The following PCDHGC3 variants were observed in gnomAD, a reference collection of about 807,000 sequenced individuals.
PCDHGC3 encodes the protein protocadherin gamma subfamily C, 3, also known as protocadherin gamma-C3.
In PCDHGC3, 26 loss-of-function variants were observed where a neutral mutation model predicts 59.2. The observed-to-expected ratio is 0.44, with a 90% CI of 0.32 to 0.61. The LOEUF (loss-of-function observed/expected upper bound fraction) is 0.61. PCDHGC3 is among the 20% of genes least tolerant of loss of function. The pLI, the probability that PCDHGC3 is intolerant of heterozygous loss-of-function variation, is 0.05. For missense variants in PCDHGC3, 1,080 were observed against 1,221.8 expected (o/e 0.88, Z 1.73); for synonymous variants, 487 against 519.7 (o/e 0.94, Z 0.86).
In PCDHGC3 at chr5:141,477,191, A is replaced by G; in HGVS notation, c.1075A>G (p.Ser359Gly). The part of the protein sequence containing the change: ...APEITVTSVY[S>G]PVPEDAPLGT... ...GGAGATCACAGTCACCTCCGTGTACAGCCCAGTACCCGAGGATGCCCCTCT... is the reference window on the plus strand; with the variant it reads ...GGAGATCACAGTCACCTCCGTGTACGGCCCAGTACCCGAGGATGCCCCTCT... Residue 359 changes from serine to glycine, a missense_variant, in exon 1 of 4, where the codon AGC becomes GGC. Transcript: ENST00000308177. This position sits in a 1 kb window ranked among gnomAD's most constrained non-coding sequence, Gnocchi z 4.9. 5.0e-6 allele frequency: 8 copies of G among 1,614,210 alleles called. No homozygotes were observed. The highest frequency in any genetic ancestry group is 6.8e-6 in the Non-Finnish European group (8 of 1,180,044).
At chr5:141,492,952 C>T (rs1428667098) in intron 1 of PCDHGC3, among the ~76,000 whole-genome samples, 1 of 152,242 alleles carries the variant, frequency 6.6e-6, no homozygotes, top group Non-Finnish European at 1.5e-5. Context: ...GGTGACCAAA[C>T]TATCTGACAC....
rs755936344 is a variant in PCDHGC3, at chr5:141,490,704, C to T, written c.2431-4103C>T. ...ATCCAGACACTGGGGATAATGCCCG[C>T]CTCACCTACTCCATTGTAGGAAATC... On this transcript the variant is annotated intron_variant, in intron 1 of 3. Transcript: ENST00000308177. The surrounding 1 kb of genome is among the most constrained non-coding windows in gnomAD (Gnocchi z 5.4). 6.2e-7 allele frequency: 1 copy of T among 1,614,166 alleles called. No homozygotes were observed.
At position 141,486,637 on chromosome 5, in the gene PCDHGC3, G is replaced by C. The variant is rs761072169; in HGVS notation, c.2430+8091G>C. 28 of 1,613,638 alleles carry C rather than the reference G, an allele frequency of 1.7e-5. No homozygotes were observed. The highest frequency in any genetic ancestry group is 1.1e-5 in the Non-Finnish European group (13 of 1,180,034). ...CTGACCCAGACTCTGGCTTGAATGC[G>C]CTTATCTCCTACTCACTCCTGGAGC... On this transcript the variant is annotated intron_variant, in intron 1 of 3. Transcript: ENST00000308177. This position sits in a 1 kb window ranked among gnomAD's most constrained non-coding sequence, Gnocchi z 5.0.
intron 2 of PCDHGC3, among the ~76,000 whole-genome samples, chr5:141,504,354 G>C (rs1349256606): frequency 6.6e-6 from 1 of 152,100 alleles, no homozygotes; most frequent in Non-Finnish European, 1.5e-5. Flanking sequence ...TGTGCTAGGT[G>C]CTTCAGTAGG....
chr5:141,505,255 C>T (rs2099844853), intron 2 of PCDHGC3, 138 bp from the exon 3 acceptor site: 1 of 1,481,112 alleles, frequency 6.8e-7, no homozygotes, highest in Admixed American at 2.1e-5. Context: ...AGAAGTGCCT[C>T]CTACCTTGCT....
At chr5:141,483,425 G>A (rs1460083757) in intron 1 of PCDHGC3, among the ~76,000 whole-genome samples, 1 of 152,116 alleles carries the variant, frequency 6.6e-6, no homozygotes, top group Non-Finnish European at 1.5e-5. Flanking sequence ...ACAGATGGAG[G>A]GAGCTGACTA....
intron 2 of PCDHGC3, among the ~76,000 whole-genome samples, chr5:141,504,341 CTTTGTGCTAGGT>C (rs963088433): frequency 3.9e-5 from 6 of 152,020 alleles, no homozygotes; most frequent in African/African-American, 1.4e-4. Flanking sequence ...AAGTGCTAGG[CTTTGTGCTAGGT>C]GCTTCAGTAG....
At chr5:141,506,130 GAGA>G (rs560751517) in intron 3 of PCDHGC3, among the ~76,000 whole-genome samples, 2 of 152,170 alleles carry the variant, frequency 1.3e-5, no homozygotes, top group Admixed American at 1.3e-4. Context: ...CCCAGAGCAG[GAGA>G]AGAAGAATAT....
Position 141,512,171 on chromosome 5 carries a change from T to C in PCDHGC3, c.*998T>C, listed in dbSNP as rs140884268. ...GGGCTGAGCTAACAGGACCAATGGA[T>C]TAAACTGGCATTTCAGTCCAAGGAA... On this transcript the variant is annotated 3_prime_UTR_variant, in exon 4 of 4. Transcript: ENST00000308177. 584 of 152,796 alleles carry C rather than the reference T, an allele frequency of 3.8e-3. 5 individuals carry two copies. The highest frequency in any genetic ancestry group is 0.011 in the Admixed American group (167 of 15,298). The allele number at this position is 152,796 out of a possible 1,614,324, so 9.5% of individuals were successfully genotyped here. A position where few individuals can be genotyped will look rare whatever the true frequency, so the allele number is the denominator to read the frequency against.
In PCDHGC3 at chr5:141,487,930, G is replaced by T; in HGVS notation, c.2431-6877G>T. On this transcript the variant is annotated intron_variant, in intron 1 of 3. Coordinates refer to ENST00000308177, the MANE Select transcript of PCDHGC3 (RefSeq NM_002588.4). This position sits in a 1 kb window ranked among gnomAD's most constrained non-coding sequence, Gnocchi z 5.0. Reference sequence around the variant, plus strand: ...GAGCACAGGAGGCTACAGTGCACAGGGTACAGTGCACCAGGCAGTCACTTG... The same window carrying T: ...GAGCACAGGAGGCTACAGTGCACAGTGTACAGTGCACCAGGCAGTCACTTG... 2 of 613,220 alleles carry T rather than the reference G, an allele frequency of 3.3e-6. No homozygotes were observed. Among genetic ancestry groups the T allele is most frequent in the African/African-American group, 1.8e-5 (1 of 54,186 alleles). 38.0% of individuals were successfully genotyped at this position (613,220 alleles called of 1,614,324 possible).
At position 141,490,632 on chromosome 5, in the gene PCDHGC3, A is replaced by C; in HGVS notation, c.2431-4175A>C. Reference sequence around the variant, plus strand: ...AGCAGCTTTACACTGCTTACATCCTAGAAAACCGGCCTCCGGGCTCCCTTC... The same window carrying C: ...AGCAGCTTTACACTGCTTACATCCTCGAAAACCGGCCTCCGGGCTCCCTTC... On this transcript the variant is annotated intron_variant, in intron 1 of 3. Transcript: ENST00000308177. This position sits in a 1 kb window ranked among gnomAD's most constrained non-coding sequence, Gnocchi z 5.4. The C allele has an allele frequency of 1.2e-6, 2 of 1,614,196 alleles. No individual in the cohort carries two copies. Among genetic ancestry groups the C allele is most frequent in the South Asian group, 1.1e-5 (1 of 91,088 alleles).
rs764586891 is a variant in PCDHGC3, at chr5:141,477,616, A to G, written c.1500A>G (p.Gly500=). The change falls in exon 1 of 4, where the codon GGA becomes GGG. Residue 500 remains glycine (G), a synonymous_variant. Coordinates refer to ENST00000308177, the MANE Select transcript of PCDHGC3 (RefSeq NM_002588.4). This position sits in a 1 kb window ranked among gnomAD's most constrained non-coding sequence, Gnocchi z 4.9. ...ARLSFFLLEQ[G]AETGLVGRYF... ...TTTCTTTCTTTCTCTTGGAGCAAGGAGCTGAAACCGGGCTAGTGGGTCGCT... is the reference window on the plus strand; with the variant it reads ...TTTCTTTCTTTCTCTTGGAGCAAGGGGCTGAAACCGGGCTAGTGGGTCGCT... The G allele has an allele frequency of 1.2e-6, 2 of 1,614,068 alleles. No individual in the cohort carries two copies. Among genetic ancestry groups the G allele is most frequent in the African/African-American group, 2.7e-5 (2 of 74,924 alleles).
In PCDHGC3 at chr5:141,487,135, A is replaced by T; in HGVS notation, c.2431-7672A>T. 6.2e-7 allele frequency: 1 copy of T among 1,613,544 alleles called. No individual in the cohort carries two copies. The highest frequency in any genetic ancestry group is 8.5e-7 in the Non-Finnish European group (1 of 1,179,856). ...TGGTAAAGGATAGTGGTAGTCCACC[A>T]CTCTCTACCTCTGTTACTCTCTTAG... On this transcript the variant is annotated intron_variant, in intron 1 of 3. Transcript: ENST00000308177. The surrounding 1 kb of genome is among the most constrained non-coding windows in gnomAD (Gnocchi z 5.0).
chr5:141,489,660 G>A lies in PCDHGC3; in HGVS notation c.2431-5147G>A, dbSNP rs763985085. 3 of 1,614,096 alleles carry A rather than the reference G, an allele frequency of 1.9e-6. No individual in the cohort carries two copies. Among genetic ancestry groups the A allele is most frequent in the Non-Finnish European group, 2.5e-6 (3 of 1,180,036 alleles). On this transcript the variant is annotated intron_variant, in intron 1 of 3. Coordinates refer to ENST00000308177, the MANE Select transcript of PCDHGC3 (RefSeq NM_002588.4). The surrounding 1 kb of genome is among the most constrained non-coding windows in gnomAD (Gnocchi z 4.5). Reference sequence around the variant, plus strand: ...GCTTTGCCACCCCTGAGCGAGAGATGCGCATCTCAGAATCAGCAGCATCTG... The same window carrying A: ...GCTTTGCCACCCCTGAGCGAGAGATACGCATCTCAGAATCAGCAGCATCTG...
chr5:141,505,653 G>A (rs1049630228), intron 3 of PCDHGC3, among the ~76,000 whole-genome samples, 172 bp downstream of exon 3: 1 of 152,184 alleles, frequency 6.6e-6, no homozygotes, highest in Non-Finnish European at 1.5e-5. Context: ...TTGTGGCTAA[G>A]GAACAGCAGA....
chr5:141,501,664 TATAG>T (rs1161034391), intron 2 of PCDHGC3, among the ~76,000 whole-genome samples: 1 of 152,064 alleles, frequency 6.6e-6, no homozygotes, highest in East Asian at 1.9e-4. Flanking sequence ...TGTTGGAAAA[TATAG>T]ATAATCACAA....
Position 141,486,955 on chromosome 5 carries a change from T to A in PCDHGC3, c.2431-7852T>A, listed in dbSNP as rs1459820579. 1.9e-6 allele frequency: 3 copies of A among 1,614,128 alleles called. No individual in the cohort carries two copies. The highest frequency in any genetic ancestry group is 2.5e-6 in the Non-Finnish European group (3 of 1,180,048). ...CTGGCCACCTAATCACAAAGGTGACTGCTGTGGACTTGGATTCAGGTTACA... is the reference window on the plus strand; with the variant it reads ...CTGGCCACCTAATCACAAAGGTGACAGCTGTGGACTTGGATTCAGGTTACA... On this transcript the variant is annotated intron_variant, in intron 1 of 3. Coordinates refer to ENST00000308177, the MANE Select transcript of PCDHGC3 (RefSeq NM_002588.4). This position sits in a 1 kb window ranked among gnomAD's most constrained non-coding sequence, Gnocchi z 5.0.
rs1354360582 is a variant in PCDHGC3 at position 141,491,147 on chromosome 5, A to T, written c.2431-3660A>T. On this transcript the variant is annotated intron_variant, in intron 1 of 3. Transcript: ENST00000308177. The surrounding 1 kb of genome is among the most constrained non-coding windows in gnomAD (Gnocchi z 6.9). ...GTGCGCACAGCCCGGGCCTTACTGG[A>T]GGATGACTCTGACACCCAGCAGGTG... The T allele has an allele frequency of 1.9e-6, 3 of 1,613,980 alleles. No homozygotes were observed. The highest frequency in any genetic ancestry group is 2.5e-6 in the Non-Finnish European group (3 of 1,179,994).
chr5:141,477,775 G>T lies in PCDHGC3; in HGVS notation c.1659G>T (p.Val553=). 2 of 1,614,046 alleles carry T rather than the reference G, an allele frequency of 1.2e-6. No individual in the cohort carries two copies. The highest frequency in any genetic ancestry group is 2.7e-5 in the African/African-American group (2 of 75,052). The change falls in exon 1 of 4, where the codon GTG becomes GTT. Residue 553 remains valine (V), a synonymous_variant. Transcript: ENST00000308177. The surrounding 1 kb of genome is among the most constrained non-coding windows in gnomAD (Gnocchi z 4.9). ...GTPVLATNIS[V]NIFVTDRNDN... is the part of the protein sequence containing the mutation. ...CGGTCCTAGCCACCAACATCAGCGT[G>T]AACATATTTGTCACTGATCGCAATG...
Sources: allele counts gnomAD v4.1 joint callset (sites outside exome capture counted in the v4.1 genomes callset), GRCh38; gene constraint gnomAD v4.1.1; non-coding constraint Gnocchi (gnomAD v3.1); transcripts MANE v1.5; gene names NCBI Gene and HGNC (gene_info 2026-07-23, HGNC 2026-07-21).